The following SAMD8 variants were observed in gnomAD, a reference collection of about 807,000 sequenced individuals.
SAMD8 encodes sphingomyelin synthase-related protein 1.
Under a neutral mutation model 42.0 loss-of-function variants are expected in SAMD8, and 20 were observed. The ratio of observed to expected loss-of-function variants is 0.48; its 90% CI spans 0.34 to 0.69. The LOEUF is 0.69. SAMD8 is among the 30% of genes least tolerant of loss of function. The probability of loss-of-function intolerance (pLI) is 0.01; values close to 1 mark genes in which losing one functional copy is unlikely to be tolerated. For missense variants in SAMD8, 328 were observed against 511.6 expected (o/e 0.64, Z 3.46); for synonymous variants, 162 against 173.0 (o/e 0.94, Z 0.50).
At chr10:75,108,922 G>C, upstream of SAMD8, 1 of 1,495,400 alleles carries the variant, frequency 6.7e-7, no homozygotes, top group South Asian at 1.3e-5. Context: ...ATTTCTCCTT[G>C]TTTCCACCCT....
intron 3 of SAMD8, among the ~76,000 whole-genome samples, chr10:75,166,573 A>G (rs1192430722): frequency 2.0e-5 from 3 of 152,030 alleles, no homozygotes; most frequent in Non-Finnish European, 4.4e-5. Context: ...TGAAGGTGAA[A>G]AGAAAGGTTG....
In SAMD8 at chr10:75,177,340, G is replaced by C. The variant is rs144511989; in HGVS notation, c.*648G>C. 2.0e-5 allele frequency: 3 copies of C among 152,184 alleles called. No individual in the cohort carries two copies. The highest frequency in any genetic ancestry group is 4.4e-5 in the Non-Finnish European group (3 of 68,052). The allele number at this position is 152,184 out of a possible 1,614,324, so 9.4% of individuals were successfully genotyped here. A position where few individuals can be genotyped will look rare whatever the true frequency, so the allele number is the denominator to read the frequency against. ...GTCTCCTCATTAATGCAAATGTAGG[G>C]CTGGCATATTTCACCAAAGATGCAA... is the stretch of plus-strand genomic sequence containing the variant. On this transcript the variant is annotated 3_prime_UTR_variant, in exon 6 of 6. Transcript: ENST00000542569.
chr10:75,168,936 G>T (rs753982943), intron 4 of SAMD8, among the ~76,000 whole-genome samples: 3 of 151,840 alleles, frequency 2.0e-5, no homozygotes, highest in Non-Finnish European at 2.9e-5. Context: ...ACTTTGGGAG[G>T]CCGAGGCGGG....
chr10:75,137,976 C>T (rs1168749573), intron 1 of SAMD8, among the ~76,000 whole-genome samples: 2 of 152,184 alleles, frequency 1.3e-5, no homozygotes, highest in Non-Finnish European at 2.9e-5. Flanking sequence ...CTTCATGACC[C>T]TTACAAAGTT....
intron 2 of SAMD8, among the ~76,000 whole-genome samples, chr10:75,157,249 G>C (rs1840433325): frequency 6.6e-6 from 1 of 152,022 alleles, no homozygotes; most frequent in Admixed American, 6.6e-5. Flanking sequence ...GAGAGAGAGA[G>C]AGAGAGAATA....
rs1192640799 is a variant in SAMD8 at position 75,176,177 on chromosome 10, A to G, written c.904A>G (p.Thr302Ala). The change falls in exon 5 of 6, where the codon ACA (threonine) becomes GCA (alanine). Residue 302 changes from threonine to alanine, a missense_variant. Thr to Ala is a moderately conservative substitution (Grantham distance 58, BLOSUM62 0). Coordinates refer to ENST00000542569, the MANE Select transcript of SAMD8 (RefSeq NM_001174156.2). This position sits in a 1 kb window ranked among gnomAD's most constrained non-coding sequence, Gnocchi z 4.3. ...TCGDYMFSGHTVVLTMLNFFV... is the reference protein window; with the variant it reads ...TCGDYMFSGHAVVLTMLNFFV... ...TGGAGATTACATGTTTAGTGGCCACACAGTCGTCCTAACTATGCTGAATTT... is the reference window on the plus strand; with the variant it reads ...TGGAGATTACATGTTTAGTGGCCACGCAGTCGTCCTAACTATGCTGAATTT... 6.2e-7 allele frequency: 1 copy of G among 1,614,256 alleles called. No individual in the cohort carries two copies. The highest frequency in any genetic ancestry group is 8.5e-7 in the Non-Finnish European group (1 of 1,180,038).
At chr10:75,133,570 GATAA>G (rs544917246) in intron 1 of SAMD8, among the ~76,000 whole-genome samples, 76 of 152,284 alleles carry the variant, frequency 5.0e-4, no homozygotes, top group African/African-American at 1.7e-3. Context: ...TCCGTCTACA[GATAA>G]ATAGAGAAAA....
intron 2 of SAMD8, among the ~76,000 whole-genome samples, chr10:75,151,763 T>C (rs1380917792): frequency 6.6e-6 from 1 of 152,202 alleles, no homozygotes; most frequent in Non-Finnish European, 1.5e-5. Flanking sequence ...CTTGGCTCAC[T>C]GCAACCTCCA....
In SAMD8 at chr10:75,150,664, A is replaced by T; in HGVS notation, c.136A>T (p.Thr46Ser). The stretch of plus-strand genomic sequence containing the variant: ...CCGACTTGATGGAATCACATTGCTA[A>T]CATTGACTGAATATGATCTCCGGTC... The part of the protein sequence containing the change: ...KHRLDGITLL[T>S]LTEYDLRSPP... The change falls in exon 2 of 6, where the codon ACA (threonine) becomes TCA (serine). Residue 46 changes from threonine (T) to serine (S), a missense_variant. Physicochemically the swap from Thr to Ser is moderately conservative, Grantham distance 58. Coordinates refer to ENST00000542569, the MANE Select transcript of SAMD8 (RefSeq NM_001174156.2). 1 of 1,614,196 alleles carries T rather than the reference A, an allele frequency of 6.2e-7. No homozygotes were observed. The highest frequency in any genetic ancestry group is 8.5e-7 in the Non-Finnish European group (1 of 1,180,022).
chr10:75,121,698 T>A (rs1849009042), intron 1 of SAMD8, among the ~76,000 whole-genome samples: 1 of 152,158 alleles, frequency 6.6e-6, no homozygotes, highest in African/African-American at 2.4e-5. Context: ...TAATTTTTTT[T>A]TCTTCTTTTT....
chr10:75,175,080 C>T (rs1840960552), intron 4 of SAMD8, among the ~76,000 whole-genome samples: 2 of 152,108 alleles, frequency 1.3e-5, no homozygotes, highest in African/African-American at 4.8e-5. Flanking sequence ...GTTTCACCTC[C>T]AGTTGAATGA....
At position 75,141,931 on chromosome 10, in the gene SAMD8, C is replaced by CT. The variant is rs906400266; in HGVS notation, c.-15-8573dup. On this transcript the variant is annotated intron_variant, in intron 1 of 5. Coordinates refer to ENST00000542569, the MANE Select transcript of SAMD8 (RefSeq NM_001174156.2). Reference sequence around the variant, plus strand: ...TGAGAGTGACGGTCTTGCCTTGCATCTTTTTTTTTTCCTTACACTTGCTTT... The same window carrying CT: ...TGAGAGTGACGGTCTTGCCTTGCATCTTTTTTTTTTTCCTTACACTTGCTTT... Among the ~76,000 whole-genome samples, 446 of 148,466 alleles carry CT rather than the reference C, an allele frequency of 3.0e-3. 2 individuals carry two copies. The highest frequency in any genetic ancestry group is 7.7e-3 in the African/African-American group (312 of 40,576).
chr10:75,173,906 C>T (rs1441621951), intron 4 of SAMD8, among the ~76,000 whole-genome samples: 1 of 152,206 alleles, frequency 6.6e-6, no homozygotes, highest in African/African-American at 2.4e-5. Context: ...TGTGACCTCT[C>T]TAAGCCAGTT....
intron 1 of SAMD8, among the ~76,000 whole-genome samples, chr10:75,127,480 C>G (rs1041166451): frequency 6.6e-6 from 1 of 152,130 alleles, no homozygotes; most frequent in Non-Finnish European, 1.5e-5. Flanking sequence ...ATAGTACCTA[C>G]TTTATATAGT....
rs1440109884 is a variant in SAMD8, at chr10:75,181,746, A to G, written c.*5054A>G. Reference sequence around the variant, plus strand: ...AGCCAAGCAATATTATCAATTAGTAATGTCATCTTAAAAATGTTCACTTTT... The same window carrying G: ...AGCCAAGCAATATTATCAATTAGTAGTGTCATCTTAAAAATGTTCACTTTT... On this transcript the variant is annotated 3_prime_UTR_variant, in exon 6 of 6. Coordinates refer to ENST00000542569, the MANE Select transcript of SAMD8 (RefSeq NM_001174156.2). The G allele has an allele frequency of 1.3e-5, 2 of 152,256 alleles. No homozygotes were observed. Among genetic ancestry groups the G allele is most frequent in the African/African-American group, 4.8e-5 (2 of 41,480 alleles). 9.4% of individuals were successfully genotyped at this position (152,256 alleles called of 1,614,324 possible).
chr10:75,102,092 T>A, intron 1 of SAMD8: 1 of 550,150 alleles, frequency 1.8e-6, no homozygotes, highest in Non-Finnish European at 3.0e-6. Flanking sequence ...CACCTTTCCC[T>A]CCAGGCCCAG....
At chr10:75,138,387 A>C (rs1839941814) in intron 1 of SAMD8, among the ~76,000 whole-genome samples, 1 of 152,170 alleles carries the variant, frequency 6.6e-6, no homozygotes, top group South Asian at 2.1e-4. Flanking sequence ...GGACAAAGTC[A>C]TTATCTCTTT....
intron 3 of SAMD8, among the ~76,000 whole-genome samples, chr10:75,166,188 C>A (rs1177541099): frequency 6.6e-6 from 1 of 151,500 alleles, no homozygotes; most frequent in Non-Finnish European, 1.5e-5. Context: ...GGCAGTGTAC[C>A]CAGAGTCAGC....
rs1249494672 is a variant in SAMD8 at position 75,168,494 on chromosome 10, G to T, written c.675-47G>T. 7 of 1,591,136 alleles carry T rather than the reference G, an allele frequency of 4.4e-6. No individual in the cohort carries two copies. The Admixed American group carries it at 5.3e-5, about 12-fold the overall frequency. On this transcript the variant is annotated intron_variant, in intron 3 of 5. Coordinates refer to ENST00000542569, the MANE Select transcript of SAMD8 (RefSeq NM_001174156.2). ...AATATTTGATGCCTGGGGTTTTTTG[G>T]TTTGTTTTCTTCTGATCTTTCCCCC...
Sources: allele counts gnomAD v4.1 joint callset (sites outside exome capture counted in the v4.1 genomes callset), GRCh38; gene constraint gnomAD v4.1.1; non-coding constraint Gnocchi (gnomAD v3.1); transcripts MANE v1.5; gene names NCBI Gene and HGNC (gene_info 2026-07-23, HGNC 2026-07-21).